Variants in SLC22A23 observed in about 807,000 individuals in gnomAD.
SLC22A23 encodes ion transporter protein.
In SLC22A23, 26 loss-of-function variants were observed where a neutral mutation model predicts 61.0. The observed-to-expected ratio is 0.43, with a 90% CI of 0.31 to 0.59. The LOEUF (loss-of-function observed/expected upper bound fraction) is 0.59, where lower values mean the gene tolerates loss of function less well. SLC22A23 is among the 20% of genes least tolerant of loss of function. The pLI, the probability that SLC22A23 is intolerant of heterozygous loss-of-function variation, is 0.11. For missense variants in SLC22A23, 796 were observed against 934.7 expected (o/e 0.85, Z 1.94); for synonymous variants, 430 against 413.9 (o/e 1.04, Z -0.47).
At chr6:3,292,878 C>T (rs1581628750) in intron 5 of SLC22A23, among the ~76,000 whole-genome samples, 3 of 152,202 alleles carry the variant, frequency 2.0e-5, no homozygotes, top group Admixed American at 2.0e-4. Context: ...TCTTCCCGCC[C>T]CGTGCTCAGT....
intron 4 of SLC22A23, among the ~76,000 whole-genome samples, chr6:3,316,490 G>A (rs146457983): frequency 2.4e-4 from 37 of 152,326 alleles, no homozygotes; most frequent in African/African-American, 8.2e-4. Context: ...TTGCCCCACC[G>A]TTCCATGAGG....
chr6:3,423,144 C>T (rs1191465666), intron 1 of SLC22A23, among the ~76,000 whole-genome samples: 2 of 152,048 alleles, frequency 1.3e-5, no homozygotes, highest in Non-Finnish European at 2.9e-5. Context: ...CATTTACTGA[C>T]ACTGGGGCTT....
At chr6:3,354,305 G>A (rs1337123933) in intron 3 of SLC22A23, among the ~76,000 whole-genome samples, 9 of 152,318 alleles carry the variant, frequency 5.9e-5, no homozygotes, top group Admixed American at 5.9e-4. Context: ...GCACATTTAC[G>A]GAGGAGCAAG....
intron 3 of SLC22A23, among the ~76,000 whole-genome samples, chr6:3,385,735 G>C (rs943468348): frequency 1.3e-5 from 2 of 152,164 alleles, no homozygotes; most frequent in African/African-American, 4.8e-5. Flanking sequence ...CCCATGCTCA[G>C]TGCCAGCCAC....
intron 1 of SLC22A23, among the ~76,000 whole-genome samples, chr6:3,434,483 C>T (rs1444120039): frequency 2.0e-5 from 3 of 151,892 alleles, no homozygotes; most frequent in African/African-American, 7.3e-5. Context: ...GTGGTACCCG[C>T]CTGTAGTCCC....
intron 3 of SLC22A23, among the ~76,000 whole-genome samples, chr6:3,388,129 C>T (rs1469803977): frequency 6.6e-6 from 1 of 152,100 alleles, no homozygotes; most frequent in Non-Finnish European, 1.5e-5. Flanking sequence ...AGGGCAAGCC[C>T]GCCACAGAAA....
chr6:3,337,666 G>A (rs563945952), intron 3 of SLC22A23, among the ~76,000 whole-genome samples: 19 of 152,170 alleles, frequency 1.2e-4, no homozygotes, highest in Non-Finnish European at 2.5e-4. Flanking sequence ...ATGTGCTCGG[G>A]CCCCACCGAG....
At chr6:3,285,972 C>T (rs938048777) in intron 7 of SLC22A23, among the ~76,000 whole-genome samples, 7 of 152,200 alleles carry the variant, frequency 4.6e-5, no homozygotes, top group Non-Finnish European at 8.8e-5. Flanking sequence ...TGCCTGTTCA[C>T]GTCGCGCCCT....
intron 3 of SLC22A23, among the ~76,000 whole-genome samples, chr6:3,395,693 T>C (rs758018125): frequency 6.6e-6 from 1 of 152,196 alleles, no homozygotes; most frequent in Non-Finnish European, 1.5e-5. Context: ...TTAAAATCAC[T>C]GCCATCTCAG....
intron 3 of SLC22A23, among the ~76,000 whole-genome samples, chr6:3,350,936 T>G (rs1483576134): frequency 6.6e-6 from 1 of 151,796 alleles, no homozygotes; most frequent in Non-Finnish European, 1.5e-5. Flanking sequence ...AATCATCTTC[T>G]CTTATTGACG....
intron 4 of SLC22A23, chr6:3,303,050 AT>A (rs999739879): frequency 3.9e-5 from 6 of 152,214 alleles, no homozygotes; most frequent in Non-Finnish European, 5.9e-5. Flanking sequence ...ATGGACAATA[AT>A]CTGAATAGAC....
intron 4 of SLC22A23, among the ~76,000 whole-genome samples, chr6:3,299,996 G>GA (rs1291798936): frequency 8.4e-6 from 1 of 119,526 alleles, no homozygotes; most frequent in African/African-American, 3.3e-5. Flanking sequence ...GCTCAGGATA[G>GA]ACTTTTTTTT....
At chr6:3,370,058 T>C (rs1323837307) in intron 3 of SLC22A23, among the ~76,000 whole-genome samples, 2 of 152,234 alleles carry the variant, frequency 1.3e-5, no homozygotes, top group Admixed American at 6.5e-5. Flanking sequence ...AGGATGACTA[T>C]AAGAAAATCG....
In SLC22A23 at chr6:3,273,322, G is replaced by A. The variant is rs1038927413; in HGVS notation, c.1794C>T (p.Phe598=). The change falls in exon 10 of 10, where the codon TTC becomes TTT. Residue 598 remains phenylalanine, a synonymous_variant. Coordinates refer to ENST00000406686, the MANE Select transcript of SLC22A23 (RefSeq NM_015482.2). The part of the protein sequence containing the change: ...IIELHNQKGY[F]LHHIIFACCT... Reference sequence around the variant, plus strand: ...AGCAGGCAAAGATGATGTGGTGCAGGAAGTAGCCTTTCTGGTTGTGCAGCT... The same window carrying A: ...AGCAGGCAAAGATGATGTGGTGCAGAAAGTAGCCTTTCTGGTTGTGCAGCT... 9 of 1,614,014 alleles carry A rather than the reference G, an allele frequency of 5.6e-6. No homozygotes were observed. Among genetic ancestry groups the A allele is most frequent in the Middle Eastern group, 3.3e-4 (2 of 6,084 alleles).
At chr6:3,358,279 G>T (rs923986531) in intron 3 of SLC22A23, among the ~76,000 whole-genome samples, 1 of 138,478 alleles carries the variant, frequency 7.2e-6, no homozygotes, top group African/African-American at 2.9e-5. Context: ...GCGCTCCCAC[G>T]TTCACTGCAG....
chr6:3,416,209 C>T (rs903787702), intron 1 of SLC22A23, among the ~76,000 whole-genome samples: 1 of 152,236 alleles, frequency 6.6e-6, no homozygotes, highest in African/African-American at 2.4e-5. Flanking sequence ...TGGTCCCTCA[C>T]CATGAAGAGC....
intron 3 of SLC22A23, among the ~76,000 whole-genome samples, chr6:3,380,658 C>T (rs1471904121): frequency 6.6e-6 from 1 of 151,870 alleles, no homozygotes; most frequent in Admixed American, 6.5e-5. Flanking sequence ...AAAAAAAAAT[C>T]AAGCTATTAG....
intron 4 of SLC22A23, among the ~76,000 whole-genome samples, chr6:3,310,153 T>A (rs945492884): frequency 6.6e-6 from 1 of 152,142 alleles, no homozygotes; most frequent in African/African-American, 2.4e-5. Context: ...TCTCTGTGTT[T>A]TCTTAATACC....
At chr6:3,384,269 A>G (rs1269253110) in intron 3 of SLC22A23, among the ~76,000 whole-genome samples, 1 of 152,216 alleles carries the variant, frequency 6.6e-6, no homozygotes, top group Admixed American at 6.5e-5. Flanking sequence ...AAAGTAAACA[A>G]TCTCCTATCA....
Sources: allele counts gnomAD v4.1 joint callset (sites outside exome capture counted in the v4.1 genomes callset), GRCh38; gene constraint gnomAD v4.1.1; transcripts MANE v1.5; gene names NCBI Gene and HGNC (gene_info 2026-07-23, HGNC 2026-07-21).